The following GAK variants were observed in gnomAD, a reference collection of about 807,000 sequenced individuals.
GAK encodes cyclin G associated kinase.
In GAK, 79 loss-of-function variants were observed where a neutral mutation model predicts 143.9. The ratio of observed to expected loss-of-function variants is 0.55; its 90% CI spans 0.46 to 0.66. The LOEUF is 0.66. Ranked by LOEUF, GAK falls within the 30% of genes least tolerant of loss-of-function variation. The pLI is 0.00. For synonymous variants in GAK, 881 were observed against 765.5 expected (o/e 1.15, Z -2.49); for missense variants, 1,693 against 1,779.7 (o/e 0.95, Z 0.88).
chr4:852,296 C>CATGCAG, intron 24 of GAK: 1 of 407,410 alleles, frequency 2.5e-6, no homozygotes, highest in Non-Finnish European at 4.4e-6. Context: ...GCAGTGTCCC[C>CATGCAG]ACGTCACCCC....
chr4:889,854 G>T (rs1717298936), intron 10 of GAK, among the ~76,000 whole-genome samples: 1 of 152,182 alleles, frequency 6.6e-6, no homozygotes, highest in African/African-American at 2.4e-5. Flanking sequence ...CTGTCTCCAG[G>T]GCCCTCTCCA....
intron 18 of GAK, chr4:872,258 T>G (rs564970157): frequency 6.6e-6 from 1 of 152,282 alleles, no homozygotes; most frequent in South Asian, 2.1e-4. Flanking sequence ...CCCTGAGGGG[T>G]GGCCAACCTC....
intron 19 of GAK, 113 bp downstream of exon 19, chr4:870,597 TG>T: frequency 9.3e-7 from 1 of 1,075,024 alleles, no homozygotes; most frequent in Non-Finnish European, 1.4e-6. Flanking sequence ...GCTCAGGGCC[TG>T]GGTGCAGCAG....
rs1419142585 is a variant in GAK, at chr4:849,526, G to A, written c.*147C>T. ...TGGAATGCTTTCTCTTCATGTGCCT[G>A]GAACGCTGGGCGGGCGGTGACCCGG... On this transcript the variant is annotated 3_prime_UTR_variant, in exon 28 of 28. Coordinates refer to ENST00000314167, the MANE Select transcript of GAK (RefSeq NM_005255.4). 1 of 620,912 alleles carries A rather than the reference G, an allele frequency of 1.6e-6. No individual in the cohort carries two copies. Among genetic ancestry groups the A allele is most frequent in the African/African-American group, 1.8e-5 (1 of 54,116 alleles). The allele number at this position is 620,912 out of a possible 1,614,324, so 38.5% of individuals were successfully genotyped here. A position where few individuals can be genotyped will look rare whatever the true frequency, so the allele number is the denominator to read the frequency against.
chr4:883,805 G>T (rs1267773263), intron 12 of GAK, among the ~76,000 whole-genome samples: 5 of 152,240 alleles, frequency 3.3e-5, no homozygotes, highest in African/African-American at 1.2e-4. Flanking sequence ...TTCCTGGCAT[G>T]ACCTCAGGGA....
intron 23 of GAK, among the ~76,000 whole-genome samples, 179 bp from the exon 24 acceptor site, chr4:859,901 C>T (rs1265443307): frequency 1.3e-5 from 2 of 152,174 alleles, no homozygotes; most frequent in African/African-American, 4.8e-5. Context: ...CGGACGCTGC[C>T]TCCATGCCCC....
chr4:858,452 C>T (rs986235675), intron 24 of GAK, among the ~76,000 whole-genome samples: 2 of 152,154 alleles, frequency 1.3e-5, no homozygotes, highest in Admixed American at 6.5e-5. Context: ...GCCGGCTGCC[C>T]AGGGCAGTCA....
At chr4:888,193 T>C (rs543359262) in intron 11 of GAK, 2 of 152,402 alleles carry the variant, frequency 1.3e-5, no homozygotes, top group African/African-American at 4.8e-5. Flanking sequence ...CTAGGCTGTT[T>C]CCTGACATAG....
At chr4:884,673 A>G (rs1162785849) in intron 11 of GAK, among the ~76,000 whole-genome samples, 1 of 152,218 alleles carries the variant, frequency 6.6e-6, no homozygotes, top group Non-Finnish European at 1.5e-5. Context: ...AAAACCCTCA[A>G]TAACTCTGCA....
rs751797862 is a variant in GAK at position 904,774 on chromosome 4, G to C, written c.388C>G (p.Leu130Val). 1.2e-6 allele frequency: 2 copies of C among 1,613,774 alleles called. No individual in the cohort carries two copies. Among genetic ancestry groups the C allele is most frequent in the Non-Finnish European group, 1.7e-6 (2 of 1,179,880 alleles). Residue 130 changes from leucine to valine, a missense_variant, in exon 5 of 28, where the codon CTG becomes GTG. Leu to Val is a conservative substitution (Grantham distance 32). Around this residue, in one of 2 missense-constraint regions of GAK, gnomAD observed 871 missense variants for 991.0 expected, o/e 0.88. Transcript: ENST00000314167. ...LLLTELCKGQLVEFLKKMESR... is the reference protein window; with the variant it reads ...LLLTELCKGQVVEFLKKMESR... Reference sequence around the variant, plus strand: ...TCCATTTTCTTCAAAAATTCCACCAGCTGCCCTAAAAGAGAATGAAACTCA... The same window carrying C: ...TCCATTTTCTTCAAAAATTCCACCACCTGCCCTAAAAGAGAATGAAACTCA...
At chr4:874,489 G>A (rs1015132246) in intron 18 of GAK, among the ~76,000 whole-genome samples, 2 of 152,096 alleles carry the variant, frequency 1.3e-5, no homozygotes, top group African/African-American at 2.4e-5. Flanking sequence ...ACTGGATATA[G>A]AATTCCCGTA....
At chr4:891,296 A>C in intron 9 of GAK, among the ~76,000 whole-genome samples, 2 of 144,248 alleles carry the variant, frequency 1.4e-5, no homozygotes, top group East Asian at 2.0e-4. Context: ...ACGGAGTCTC[A>C]CTCTGTCTCC....
chr4:850,169 G>A (rs931522791), intron 26 of GAK, 101 bp from the exon 27 acceptor site: 25 of 1,224,346 alleles, frequency 2.0e-5, no homozygotes, highest in South Asian at 6.2e-5. Flanking sequence ...GCCTGGTCAC[G>A]TGGGGTGGGC....
Position 866,984 on chromosome 4 carries a change from G to A in GAK, c.2844C>T (p.Ser948=). The A allele has an allele frequency of 6.7e-7, 1 of 1,496,848 alleles. No homozygotes were observed. Among genetic ancestry groups the A allele is most frequent in the Non-Finnish European group, 8.9e-7 (1 of 1,123,328 alleles). The allele number at this position is 1,496,848 out of a possible 1,614,324, so 92.7% of individuals were successfully genotyped here. A position where few individuals can be genotyped will look rare whatever the true frequency, so the allele number is the denominator to read the frequency against. ...ASPAPPLSVQ[S]TPRGGPPAAA... ...CGGCAGGGGGCCCTCCTCTTGGGGT[G>A]CTCTGCACGCTCAGGGGAGGGGCCG... is the stretch of plus-strand genomic sequence containing the variant. The change falls in exon 21 of 28, where the codon AGC becomes AGT. Residue 948 remains serine (S), a synonymous_variant. Transcript: ENST00000314167.
At chr4:889,912 G>A (rs1717308423) in intron 10 of GAK, among the ~76,000 whole-genome samples, 1 of 152,186 alleles carries the variant, frequency 6.6e-6, no homozygotes, top group South Asian at 2.1e-4. Context: ...CCCATCACAG[G>A]TGCCCACTCC....
intron 24 of GAK, among the ~76,000 whole-genome samples, chr4:857,522 G>A (rs1351362467): frequency 6.6e-6 from 1 of 152,114 alleles, no homozygotes; most frequent in Non-Finnish European, 1.5e-5. Context: ...ACTTGATATT[G>A]GGTAAGTTGT....
intron 24 of GAK, chr4:859,309 A>AC (rs1485011266): frequency 4.5e-5 from 60 of 1,332,080 alleles, no homozygotes; most frequent in Non-Finnish European, 5.6e-5. Flanking sequence ...CCATGCAGAG[A>AC]CCCCGCCTCC....
intron 17 of GAK, 116 bp downstream of exon 17, chr4:876,974 T>C (rs1714049713): frequency 2.8e-6 from 2 of 703,958 alleles, no homozygotes; most frequent in Non-Finnish European, 4.9e-6. Context: ...CCCACGGCAC[T>C]CACCAAACAG....
At chr4:913,699 G>A in intron 1 of GAK, 31 bp from the exon 2 acceptor site, 1 of 1,553,700 alleles carries the variant, frequency 6.4e-7, no homozygotes. Flanking sequence ...TCAGTTCAAT[G>A]CTATGATTTT....
Sources: gnomAD v4.1 joint callset for allele counts (sites outside exome capture counted in the v4.1 genomes callset) on GRCh38, gnomAD v4.1.1 for gene constraint, gnomAD v4.1.1 regional missense constraint, MANE v1.5 for transcripts, NCBI Gene and HGNC (gene_info 2026-07-23, HGNC 2026-07-21) for gene names.